DYM: variants seen among roughly 807,000 people sequenced by gnomAD.
DYM encodes the protein dymeclin.
Under a neutral mutation model 93.1 loss-of-function variants are expected in DYM, and 78 were observed. The ratio of observed to expected loss-of-function variants is 0.84; its 90% CI spans 0.70 to 1.01. DYM has a LOEUF of 1.01. DYM is among the 50% of genes least tolerant of loss of function. The pLI is 0.00. For synonymous variants in DYM, 321 were observed against 319.7 expected (o/e 1.00, Z -0.04); for missense variants, 789 against 845.0 (o/e 0.93, Z 0.82).
intron 8 of DYM, chr18:49,321,130 T>A (rs957676886): frequency 1.4e-5 from 5 of 361,018 alleles, no homozygotes; most frequent in Non-Finnish European, 1.5e-5. Context: ...AAAAATAGAA[T>A]TCCATAATTT....
intron 15 of DYM, among the ~76,000 whole-genome samples, chr18:49,149,702 G>GTTTTT (rs35259913): frequency 1.7e-3 from 130 of 76,844 alleles, no homozygotes; most frequent in East Asian, 2.7e-3. Context: ...ATTACAAAGT[G>GTTTTT]TTTTTTTTTT....
At chr18:49,061,934 ATCTGGCTCCATCC>A (rs572452176) in intron 17 of DYM, among the ~76,000 whole-genome samples, 2 of 152,202 alleles carry the variant, frequency 1.3e-5, no homozygotes, top group Non-Finnish European at 2.9e-5. Flanking sequence ...TCCATCCTCC[ATCTGGCTCCATCC>A]TAATAAGTCT....
chr18:49,053,982 G>A (rs2075252611), intron 17 of DYM, among the ~76,000 whole-genome samples: 1 of 152,158 alleles, frequency 6.6e-6, no homozygotes, highest in African/African-American at 2.4e-5. Context: ...TGCTCTCCCA[G>A]GTAGTTCTGG....
chr18:49,247,699 C>G (rs562799885), intron 13 of DYM, among the ~76,000 whole-genome samples: 1 of 152,178 alleles, frequency 6.6e-6, no homozygotes, highest in East Asian at 1.9e-4. Flanking sequence ...GCAGTCTAAA[C>G]TGAAATTAAA....
chr18:49,081,426 G>A (rs1452356819), intron 17 of DYM, among the ~76,000 whole-genome samples: 1 of 152,046 alleles, frequency 6.6e-6, no homozygotes, highest in Non-Finnish European at 1.5e-5. Flanking sequence ...ATCAGGCAGG[G>A]AGGTCGCCGT....
At chr18:49,146,621 A>T (rs2085174823) in intron 15 of DYM, among the ~76,000 whole-genome samples, 1 of 152,226 alleles carries the variant, frequency 6.6e-6, no homozygotes, top group South Asian at 2.1e-4. Context: ...TAAAATATCT[A>T]GGAATCCAAC....
At chr18:49,405,068 C>G (rs1038074876) in intron 2 of DYM, among the ~76,000 whole-genome samples, 1 of 151,428 alleles carries the variant, frequency 6.6e-6, no homozygotes, top group African/African-American at 2.4e-5. Context: ...CCATTCATGC[C>G]TTTTCCTCAT....
At chr18:49,179,306 AAGGAG>A (rs2089692491) in intron 14 of DYM, among the ~76,000 whole-genome samples, 1 of 152,158 alleles carries the variant, frequency 6.6e-6, no homozygotes, top group Admixed American at 6.6e-5. Context: ...TACAACTGAT[AAGGAG>A]ATTTGACCAA....
intron 2 of DYM, among the ~76,000 whole-genome samples, chr18:49,406,150 T>C (rs1285429884): frequency 2.0e-5 from 3 of 152,226 alleles, no homozygotes; most frequent in Non-Finnish European, 2.9e-5. Context: ...AAGCATATTG[T>C]CAGCAAAAAG....
At chr18:49,243,074 G>A (rs888940838) in intron 13 of DYM, among the ~76,000 whole-genome samples, 3 of 152,094 alleles carry the variant, frequency 2.0e-5, no homozygotes, top group Non-Finnish European at 4.4e-5. Flanking sequence ...CTGCCTCCTC[G>A]CTACTTTAAA....
At chr18:49,102,184 G>C (rs1047134185) in intron 16 of DYM, among the ~76,000 whole-genome samples, 30 of 152,228 alleles carry the variant, frequency 2.0e-4, no homozygotes, top group Admixed American at 1.6e-3. Flanking sequence ...ATAACAGTAA[G>C]AGCTAACGCT....
chr18:49,428,591 C>A (rs992830109), intron 2 of DYM, among the ~76,000 whole-genome samples: 6 of 152,246 alleles, frequency 3.9e-5, no homozygotes, highest in Admixed American at 3.3e-4. Context: ...GAGGCTGAGG[C>A]CGAAGAATTG....
rs1421143119 is a variant in DYM, at chr18:49,038,341, T to C, written c.*5714A>G. On this transcript the variant is annotated 3_prime_UTR_variant, in exon 18 of 18. Coordinates refer to ENST00000675505, the MANE Select transcript of DYM (RefSeq NM_001353214.3). ...GTTGCATATTTGTCTAAATTTCCTA[T>C]CAAATTTTCTTTTACATATTTTGAG... 6.6e-6 allele frequency among the ~76,000 whole-genome samples: 1 copy of C among 152,220 alleles called. No individual in the cohort carries two copies. The highest frequency in any genetic ancestry group is 6.5e-5 in the Admixed American group (1 of 15,286).
chr18:49,080,819 T>C (rs1490726603), intron 17 of DYM, among the ~76,000 whole-genome samples: 2 of 123,040 alleles, frequency 1.6e-5, no homozygotes, highest in South Asian at 2.8e-4. Context: ...TCCTCACTTC[T>C]CAGACGGGGC....
intron 11 of DYM, among the ~76,000 whole-genome samples, chr18:49,270,901 C>A (rs560698405): frequency 6.6e-6 from 1 of 152,126 alleles, no homozygotes; most frequent in South Asian, 2.1e-4. Context: ...AGAGTGAAAG[C>A]CCTGCCCCCT....
chr18:49,072,692 G>C (rs1236266714), intron 17 of DYM, among the ~76,000 whole-genome samples: 1 of 152,254 alleles, frequency 6.6e-6, no homozygotes, highest in East Asian at 1.9e-4. Context: ...CGGAACGTTT[G>C]AGAGCTGAGA....
rs1555764009 is a variant in DYM, at chr18:49,112,113, G to GCCTCCTCTCCGCACCCT, written c.1911+6630_1911+6631insAGGGTGCGGAGAGGAGG. Among the ~76,000 whole-genome samples the GCCTCCTCTCCGCACCCT allele has an allele frequency of 6.8e-3, 861 of 126,294 alleles. 11 individuals carry two copies. The highest frequency in any genetic ancestry group is 0.022 in the African/African-American group (817 of 37,628). 82.9% of individuals were successfully genotyped at this position (126,294 alleles called of 152,430 possible). ...AGGTTTGGTGCCTGCCTCTGCACCC[G>GCCTCCTCTCCGCACCCT]CCTCCTCTCCGCACCCCCCTCCCCT... On this transcript the variant is annotated intron_variant, in intron 16 of 17. Transcript: ENST00000675505.
chr18:49,363,740 A>G (rs2066264761), intron 5 of DYM, among the ~76,000 whole-genome samples: 1 of 152,192 alleles, frequency 6.6e-6, no homozygotes, highest in Non-Finnish European at 1.5e-5. Context: ...GAACCCCATT[A>G]AAGAGGCCAA....
chr18:49,068,195 C>T (rs1396225236), intron 17 of DYM, among the ~76,000 whole-genome samples: 1 of 152,152 alleles, frequency 6.6e-6, no homozygotes, highest in Non-Finnish European at 1.5e-5. Flanking sequence ...ATGTGTAGTA[C>T]AAAGGGACAT....
Sources: gnomAD v4.1 joint callset for allele counts (sites outside exome capture counted in the v4.1 genomes callset) on GRCh38, gnomAD v4.1.1 for gene constraint, MANE v1.5 for transcripts, NCBI Gene and HGNC (gene_info 2026-07-23, HGNC 2026-07-21) for gene names.